The following SAP30BP variants were observed in gnomAD, a reference collection of about 807,000 sequenced individuals.
SAP30BP encodes the protein SAP30 binding protein.
Under a neutral mutation model 46.3 loss-of-function variants are expected in SAP30BP, and 31 were observed. The ratio of observed to expected loss-of-function variants is 0.67; its 90% CI spans 0.50 to 0.90. The LOEUF is 0.90. Among genes scored for constraint, SAP30BP ranks in the 40% least tolerant of loss-of-function variants. The pLI is 0.00. For synonymous variants in SAP30BP, 169 were observed against 144.2 expected (o/e 1.17, Z -1.23); for missense variants, 312 against 391.0 (o/e 0.80, Z 1.70).
At chr17:75,698,856 C>G (rs1327961314) in intron 4 of SAP30BP, among the ~76,000 whole-genome samples, 2 of 152,200 alleles carry the variant, frequency 1.3e-5, no homozygotes, top group Non-Finnish European at 2.9e-5. Context: ...CCCAGCTGGT[C>G]ATTAAACATT....
Position 75,673,213 on chromosome 17 carries a change from A to G in SAP30BP, c.264+1350A>G, listed in dbSNP as rs145125245. Among the ~76,000 whole-genome samples the G allele has an allele frequency of 2.6e-5, 4 of 152,258 alleles. No individual in the cohort carries two copies. The East Asian group carries it at 5.8e-4, about 22-fold the overall frequency. On this transcript the variant is annotated intron_variant, in intron 3 of 10. Transcript: ENST00000584667. Reference sequence around the variant, plus strand: ...CAGGAAAGAAAGTTTTGGCGCCAGCATGCAGGAGGGAAAAAAAAGAACCCC... The same window carrying G: ...CAGGAAAGAAAGTTTTGGCGCCAGCGTGCAGGAGGGAAAAAAAAGAACCCC...
chr17:75,702,964 C>G, intron 6 of SAP30BP: 1 of 366,442 alleles, frequency 2.7e-6, no homozygotes. Flanking sequence ...GTCTTAGGAC[C>G]AGAGCGATGT....
intron 4 of SAP30BP, among the ~76,000 whole-genome samples, chr17:75,698,068 A>G (rs2060349068): frequency 1.3e-5 from 2 of 152,152 alleles, no homozygotes; most frequent in Non-Finnish European, 2.9e-5. Context: ...TTTTCATGAG[A>G]GAGTGTTTTG....
At position 75,668,466 on chromosome 17, in the gene SAP30BP, G is replaced by A. The variant is rs748836453; in HGVS notation, c.107-50G>A. On this transcript the variant is annotated intron_variant, in intron 1 of 10. Coordinates refer to ENST00000584667, the MANE Select transcript of SAP30BP (RefSeq NM_013260.8). ...CATTTTTTCTTACATTGTAACTCTT[G>A]TTTTTTTTTTCTTGCTTTTTGTTTG... is the stretch of plus-strand genomic sequence containing the variant. 24 of 1,081,384 alleles carry A rather than the reference G, an allele frequency of 2.2e-5. 1 individual carries two copies. In the South Asian group the frequency reaches 3.8e-4, roughly 17 times the overall value. The allele number at this position is 1,081,384 out of a possible 1,614,324, so 67.0% of individuals were successfully genotyped here.
rs1485771631 is a variant in SAP30BP at position 75,703,285 on chromosome 17, G to C, written c.489-26G>C. ...CATGCAGGGACGTGGACTTGTGCCT[G>C]CTCAGCGCCGGCACTGTTCTTTCAG... On this transcript the variant is annotated intron_variant, in intron 6 of 10. Transcript: ENST00000584667. The C allele has an allele frequency of 2.5e-6, 4 of 1,613,222 alleles. No individual in the cohort carries two copies. In the South Asian group the frequency reaches 4.4e-5, roughly 18 times the overall value.
intron 4 of SAP30BP, among the ~76,000 whole-genome samples, chr17:75,696,764 CTCT>C (rs1361551772): frequency 1.9e-5 from 2 of 103,326 alleles, no homozygotes; most frequent in East Asian, 3.7e-4. Flanking sequence ...GGCTCCCCTC[CTCT>C]TTTTTTTTTT....
chr17:75,675,674 G>A (rs769081173), intron 3 of SAP30BP, among the ~76,000 whole-genome samples: 8 of 152,074 alleles, frequency 5.3e-5, no homozygotes, highest in Non-Finnish European at 8.8e-5. Flanking sequence ...CAGCACTTTG[G>A]GAGGCCGAGG....
At chr17:75,684,273 T>G (rs1464238475) in intron 3 of SAP30BP, among the ~76,000 whole-genome samples, 2 of 152,228 alleles carry the variant, frequency 1.3e-5, no homozygotes, top group African/African-American at 4.8e-5. Flanking sequence ...ATTGTGAGAC[T>G]TGAATAGTGT....
chr17:75,674,133 G>C (rs1301649058), intron 3 of SAP30BP, among the ~76,000 whole-genome samples: 1 of 151,980 alleles, frequency 6.6e-6, no homozygotes, highest in African/African-American at 2.4e-5. Flanking sequence ...GCATCTCCAA[G>C]GACTACAAAT....
chr17:75,702,453 C>A, intron 5 of SAP30BP, 27 bp from the exon 6 acceptor site: 2 of 1,096,814 alleles, frequency 1.8e-6, no homozygotes, highest in Admixed American at 1.8e-5. Flanking sequence ...TCATACACCC[C>A]CCCACCCCCT....
At chr17:75,694,966 C>T (rs2060294965) in intron 4 of SAP30BP, among the ~76,000 whole-genome samples, 1 of 152,174 alleles carries the variant, frequency 6.6e-6, no homozygotes, top group Non-Finnish European at 1.5e-5. Context: ...TGAATTTTGA[C>T]AAATGTGTAT....
At chr17:75,687,589 C>G (rs1312088832) in intron 3 of SAP30BP, among the ~76,000 whole-genome samples, 1 of 150,136 alleles carries the variant, frequency 6.7e-6, no homozygotes, top group Non-Finnish European at 1.5e-5. Flanking sequence ...GTACTCCAGC[C>G]TGTGTGACAG....
intron 6 of SAP30BP, 35 bp from the exon 7 acceptor site, chr17:75,703,276 C>T (rs1251449976): frequency 1.9e-6 from 3 of 1,608,268 alleles, no homozygotes; most frequent in Admixed American, 3.3e-5. Flanking sequence ...GGGACGTGGA[C>T]TTGTGCCTGC....
At position 75,706,786 on chromosome 17, in the gene SAP30BP, C is replaced by T. The variant is rs2060503655; in HGVS notation, c.*265C>T. On this transcript the variant is annotated 3_prime_UTR_variant, in exon 11 of 11. Coordinates refer to ENST00000584667, the MANE Select transcript of SAP30BP (RefSeq NM_013260.8). The surrounding 1 kb of genome is among the most constrained non-coding windows in gnomAD (Gnocchi z 4.6). ...CTTGGCATCTCAGATGCACTGGCCT[C>T]TCCTGCATTCTGTTTGCAGGCAAAT... 2 of 501,460 alleles carry T rather than the reference C, an allele frequency of 4.0e-6. No individual in the cohort carries two copies. Among genetic ancestry groups the T allele is most frequent in the Admixed American group, 7.2e-5 (2 of 27,932 alleles). 31.1% of individuals were successfully genotyped at this position (501,460 alleles called of 1,614,324 possible). A position where few individuals can be genotyped will look rare whatever the true frequency, so the allele number is the denominator to read the frequency against.
At chr17:75,699,698 C>G (rs1044810012) in intron 4 of SAP30BP, 85 bp from the exon 5 acceptor site, 2 of 899,138 alleles carry the variant, frequency 2.2e-6, no homozygotes. Flanking sequence ...TACCTGATAA[C>G]ATTTTATGTG....
At chr17:75,671,191 A>G (rs915423147) in intron 2 of SAP30BP, among the ~76,000 whole-genome samples, 2 of 152,162 alleles carry the variant, frequency 1.3e-5, no homozygotes, top group Admixed American at 1.3e-4. Context: ...GGCAGAGCCC[A>G]CTCAACTGGG....
chr17:75,683,050 A>ATTTTT (rs139510164), intron 3 of SAP30BP, among the ~76,000 whole-genome samples: 5 of 137,424 alleles, frequency 3.6e-5, no homozygotes, highest in Admixed American at 7.4e-5. Context: ...TTATTTATTT[A>ATTTTT]TTTATTTTTT....
Position 75,699,796 on chromosome 17 carries a change from A to G in SAP30BP, c.321A>G (p.Glu107=). The G allele has an allele frequency of 6.2e-7, 1 of 1,612,392 alleles. No homozygotes were observed. The change falls in exon 5 of 11, where the codon GAA becomes GAG. Residue 107 remains glutamate (E), a synonymous_variant. Coordinates refer to ENST00000584667, the MANE Select transcript of SAP30BP (RefSeq NM_013260.8). ...DPQELVASFS[E]RVRNMSPDEI... The stretch of plus-strand genomic sequence containing the variant: ...TTCTCTCAACAGCCTCCTTTTCTGA[A>G]AGAGTTCGGAACATGTCGCCTGATG...
chr17:75,701,538 G>A (rs1326432190), intron 5 of SAP30BP, among the ~76,000 whole-genome samples: 1 of 152,230 alleles, frequency 6.6e-6, no homozygotes, highest in African/African-American at 2.4e-5. Context: ...AGCCAGGGCA[G>A]TGACCTGTGG....
Sources: allele counts gnomAD v4.1 joint callset (sites outside exome capture counted in the v4.1 genomes callset), GRCh38; gene constraint gnomAD v4.1.1; non-coding constraint Gnocchi (gnomAD v3.1); transcripts MANE v1.5; gene names NCBI Gene and HGNC (gene_info 2026-07-23, HGNC 2026-07-21).